RAP1GDS1: variants seen among roughly 807,000 people sequenced by gnomAD.
RAP1GDS1 encodes the protein RAP1, GTP-GDP dissociation stimulator 1.
Under a neutral mutation model 71.1 loss-of-function variants are expected in RAP1GDS1, and 35 were observed. That is an observed-to-expected ratio of 0.49 (90% CI 0.38 to 0.65). RAP1GDS1 has a LOEUF of 0.65. RAP1GDS1 is among the 30% of genes least tolerant of loss of function. RAP1GDS1 has a pLI of 0.00. For synonymous variants in RAP1GDS1, 229 were observed against 243.1 expected (o/e 0.94, Z 0.54); for missense variants, 663 against 706.1 (o/e 0.94, Z 0.69).
chr4:98,389,676 C>T (rs1743312583), intron 5 of RAP1GDS1, among the ~76,000 whole-genome samples: 1 of 152,124 alleles, frequency 6.6e-6, no homozygotes, highest in Non-Finnish European at 1.5e-5. Context: ...AATATTACTG[C>T]TTCAATTTGT....
intron 5 of RAP1GDS1, among the ~76,000 whole-genome samples, chr4:98,391,402 TTCC>T (rs1182480020): frequency 1.3e-5 from 2 of 152,094 alleles, no homozygotes; most frequent in African/African-American, 2.4e-5. Flanking sequence ...GGTACATCTC[TTCC>T]TAGCAGTCAT....
chr4:98,326,062 T>C (rs953483835), intron 2 of RAP1GDS1, among the ~76,000 whole-genome samples: 2 of 152,230 alleles, frequency 1.3e-5, no homozygotes, highest in African/African-American at 4.8e-5. Flanking sequence ...AAGTGTCTCA[T>C]CTGTTCAGTA....
intron 2 of RAP1GDS1, among the ~76,000 whole-genome samples, chr4:98,305,608 A>G (rs923800638): frequency 2.0e-5 from 3 of 152,204 alleles, no homozygotes; most frequent in East Asian, 1.9e-4. Flanking sequence ...CTCACAAGCC[A>G]TGAGATTAGT....
intron 2 of RAP1GDS1, among the ~76,000 whole-genome samples, chr4:98,327,099 A>G (rs1733232090): frequency 6.6e-6 from 1 of 152,218 alleles, no homozygotes; most frequent in Non-Finnish European, 1.5e-5. Flanking sequence ...ACAGTACAGT[A>G]GTTTCTATTA....
intron 2 of RAP1GDS1, among the ~76,000 whole-genome samples, chr4:98,313,825 C>G (rs2110326169): frequency 6.6e-6 from 1 of 152,184 alleles, no homozygotes. Context: ...CCATCCTGAG[C>G]AACAGAGCAA....
chr4:98,388,583 A>G lies in RAP1GDS1; in HGVS notation c.509-3369A>G, dbSNP rs529236757. Among the ~76,000 whole-genome samples, 6 of 152,126 alleles carry G rather than the reference A, an allele frequency of 3.9e-5. No homozygotes were observed. In the East Asian group the frequency reaches 1.2e-3, roughly 29 times the overall value. On this transcript the variant is annotated intron_variant, in intron 5 of 14. Coordinates refer to ENST00000408927, the MANE Select transcript of RAP1GDS1 (RefSeq NM_001100427.2). ...TCTACTAAAAATACAAAAATTAGCT[A>G]GGTGTGGTGGCAGGGGCCTATAATC... is the stretch of plus-strand genomic sequence containing the variant.
intron 1 of RAP1GDS1, among the ~76,000 whole-genome samples, chr4:98,262,899 G>A (rs763605689): frequency 1.3e-5 from 2 of 152,134 alleles, no homozygotes; most frequent in Non-Finnish European, 2.9e-5. Flanking sequence ...GGAGGAGGTG[G>A]TATGAATCAA....
intron 1 of RAP1GDS1, among the ~76,000 whole-genome samples, chr4:98,268,734 T>C (rs1197132542): frequency 6.6e-6 from 1 of 152,110 alleles, no homozygotes; most frequent in African/African-American, 2.4e-5. Flanking sequence ...TGCAAAAATA[T>C]AAAATATTTA....
chr4:98,281,204 G>A (rs994924110), intron 1 of RAP1GDS1, among the ~76,000 whole-genome samples: 2 of 152,150 alleles, frequency 1.3e-5, no homozygotes, highest in Admixed American at 6.5e-5. Flanking sequence ...ACTTTGGGCA[G>A]TATGGCCATT....
chr4:98,436,028 G>A (rs1206795809), intron 13 of RAP1GDS1, among the ~76,000 whole-genome samples: 2 of 151,016 alleles, frequency 1.3e-5, no homozygotes, highest in Non-Finnish European at 1.5e-5. Flanking sequence ...CCGAGATCGC[G>A]CCACTGCACT....
rs932243574 is a variant in RAP1GDS1 at position 98,437,328 on chromosome 4, A to G, written c.1696+260A>G. On this transcript the variant is annotated intron_variant, in intron 14 of 14. Coordinates refer to ENST00000408927, the MANE Select transcript of RAP1GDS1 (RefSeq NM_001100427.2). Reference sequence around the variant, plus strand: ...GCCATCCAACTGTATAATAGATAGAATTACTTTTCACTGAAGACATTCCCA... The same window carrying G: ...GCCATCCAACTGTATAATAGATAGAGTTACTTTTCACTGAAGACATTCCCA... Among the ~76,000 whole-genome samples, 16 of 152,334 alleles carry G rather than the reference A, an allele frequency of 1.1e-4. No individual in the cohort carries two copies. In the South Asian group the frequency reaches 3.3e-3, roughly 32 times the overall value.
chr4:98,405,396 G>A (rs1219332230), intron 7 of RAP1GDS1, among the ~76,000 whole-genome samples: 3 of 151,978 alleles, frequency 2.0e-5, no homozygotes, highest in South Asian at 2.1e-4. Context: ...ACTGGAAAAC[G>A]GGTTGGAAAG....
chr4:98,314,494 G>T (rs916871944), intron 2 of RAP1GDS1, among the ~76,000 whole-genome samples: 1 of 152,096 alleles, frequency 6.6e-6, no homozygotes, highest in African/African-American at 2.4e-5. Context: ...CATGTAACTT[G>T]CTTCATCTTT....
At chr4:98,401,739 C>T (rs954359060) in intron 6 of RAP1GDS1, among the ~76,000 whole-genome samples, 10 of 152,118 alleles carry the variant, frequency 6.6e-5, no homozygotes, top group African/African-American at 1.2e-4. Context: ...CTCTGTTCAC[C>T]TGCAGGTTAA....
At position 98,382,719 on chromosome 4, in the gene RAP1GDS1, C is replaced by CATTG. The variant is rs1283222450; in HGVS notation, c.508+3562_508+3565dup. 2.0e-5 allele frequency among the ~76,000 whole-genome samples: 3 copies of CATTG among 151,600 alleles called. No individual in the cohort carries two copies. The East Asian group carries it at 5.8e-4, about 29-fold the overall frequency. ...AGCACATAGGAGTTTGGAAAATTTT[C>CATTG]ATTGATTGACTTTTTCTGGATACTT... On this transcript the variant is annotated intron_variant, in intron 5 of 14. Transcript: ENST00000408927.
chr4:98,430,860 A>G (rs1750295589), intron 12 of RAP1GDS1, among the ~76,000 whole-genome samples: 1 of 152,144 alleles, frequency 6.6e-6, no homozygotes, highest in Non-Finnish European at 1.5e-5. Context: ...TCCGTCTTGG[A>G]GTTCAACCCT....
intron 2 of RAP1GDS1, among the ~76,000 whole-genome samples, chr4:98,331,104 C>T (rs915260917): frequency 1.3e-4 from 20 of 152,308 alleles, no homozygotes; most frequent in African/African-American, 4.3e-4. Context: ...AGACCAGCCC[C>T]GCCAACAGGG....
chr4:98,304,872 T>C (rs1350281697), intron 2 of RAP1GDS1, among the ~76,000 whole-genome samples: 1 of 152,178 alleles, frequency 6.6e-6, no homozygotes, highest in Non-Finnish European at 1.5e-5. Flanking sequence ...AATTTTTGTA[T>C]AGGGTGTAAG....
chr4:98,304,677 C>T (rs549724751), intron 2 of RAP1GDS1, among the ~76,000 whole-genome samples: 17 of 152,062 alleles, frequency 1.1e-4, no homozygotes, highest in South Asian at 4.1e-4. Context: ...TCTTTTGCTG[C>T]GCAAAAGCTC....
Sources: allele counts gnomAD v4.1 joint callset (sites outside exome capture counted in the v4.1 genomes callset), GRCh38; gene constraint gnomAD v4.1.1; transcripts MANE v1.5; gene names NCBI Gene and HGNC (gene_info 2026-07-23, HGNC 2026-07-21).